Variants in CSMD2 observed in about 807,000 individuals in gnomAD.
The protein encoded by CSMD2 is CUB and sushi domain-containing protein 2.
CSMD2 carries 130 observed loss-of-function variants against 398.5 expected under a neutral mutation model. That is an observed-to-expected ratio of 0.33 (90% CI 0.28 to 0.38). CSMD2 has a LOEUF of 0.38. CSMD2 is among the 10% of genes least tolerant of loss of function. The pLI is 1.00. For missense variants in CSMD2, 3,829 were observed against 4,764.9 expected (o/e 0.80, Z 5.78); for synonymous variants, 1,828 against 1,908.5 (o/e 0.96, Z 1.10).
At chr1:33,581,529 C>CAAAAAAAAAAAA (rs59068586) in intron 47 of CSMD2, among the ~76,000 whole-genome samples, 54 of 36,882 alleles carry the variant, frequency 1.5e-3, no homozygotes, top group African/African-American at 3.0e-3. Context: ...GACTCAGTCT[C>CAAAAAAAAAAAA]AAAAAAAAAA....
chr1:33,781,851 G>A (rs1400497504), intron 12 of CSMD2, among the ~76,000 whole-genome samples: 1 of 152,056 alleles, frequency 6.6e-6, no homozygotes, highest in Admixed American at 6.5e-5. Context: ...AGGGAGACTG[G>A]CTCAGAGTGC....
intron 1 of CSMD2, among the ~76,000 whole-genome samples, chr1:34,106,646 T>G (rs1490782168): frequency 6.6e-6 from 1 of 152,126 alleles, no homozygotes; most frequent in East Asian, 1.9e-4. Context: ...GCCTGGGATT[T>G]ATTGAAAAGA....
intron 3 of CSMD2, among the ~76,000 whole-genome samples, chr1:34,028,381 A>G (rs1400523089): frequency 2.0e-5 from 3 of 152,170 alleles, no homozygotes; most frequent in Non-Finnish European, 4.4e-5. Flanking sequence ...CATTATTCCC[A>G]CTTCAAAAAT....
At chr1:33,676,280 T>C (rs529127784) in intron 25 of CSMD2, among the ~76,000 whole-genome samples, 4 of 152,270 alleles carry the variant, frequency 2.6e-5, no homozygotes, top group Admixed American at 2.6e-4. Context: ...ACAAAATCAA[T>C]GTGCAAAAAT....
intron 1 of CSMD2, among the ~76,000 whole-genome samples, chr1:34,150,096 T>C (rs1557433065): frequency 6.7e-6 from 1 of 149,886 alleles, no homozygotes. Flanking sequence ...TTTTGTTTTT[T>C]TTTGAGACAG....
At chr1:33,711,936 G>C (rs1009316485) in intron 21 of CSMD2, among the ~76,000 whole-genome samples, 5 of 152,210 alleles carry the variant, frequency 3.3e-5, no homozygotes, top group Middle Eastern at 6.3e-3. Context: ...AGGAGGGATA[G>C]AGGGACGGGG....
intron 6 of CSMD2, among the ~76,000 whole-genome samples, chr1:33,827,100 T>C (rs4233218): frequency 0.79 from 119,566 of 152,174 alleles, 47,827 homozygotes; most frequent in East Asian, 0.94. Context: ...GATTCAAGTC[T>C]GAGATACCTT....
intron 5 of CSMD2, among the ~76,000 whole-genome samples, chr1:33,849,231 A>G (rs575929507): frequency 2.8e-4 from 43 of 152,288 alleles, no homozygotes; most frequent in Non-Finnish European, 5.4e-4. Flanking sequence ...TTTTCTTGGC[A>G]TCTATCAAAG....
chr1:33,946,792 T>G (rs967699354), intron 3 of CSMD2, among the ~76,000 whole-genome samples: 3 of 42,946 alleles, frequency 7.0e-5, no homozygotes, highest in African/African-American at 5.0e-4. Flanking sequence ...CCAGCTAACT[T>G]TTTTTTTTTT....
intron 56 of CSMD2, among the ~76,000 whole-genome samples, chr1:33,549,390 C>A (rs1428963538): frequency 6.6e-6 from 1 of 152,202 alleles, no homozygotes; most frequent in Non-Finnish European, 1.5e-5. Flanking sequence ...CCAGGCAGGT[C>A]CCCCTCAAAG....
intron 6 of CSMD2, among the ~76,000 whole-genome samples, chr1:33,830,677 T>C (rs573069449): frequency 5.1e-4 from 77 of 152,254 alleles, no homozygotes; most frequent in Admixed American, 1.6e-3. Flanking sequence ...CTTTGACGAA[T>C]TGAGAGAAGA....
chr1:33,978,280 G>A (rs1646041170), intron 3 of CSMD2, among the ~76,000 whole-genome samples: 1 of 152,156 alleles, frequency 6.6e-6, no homozygotes, highest in Non-Finnish European at 1.5e-5. Context: ...TCTTTGAGAA[G>A]CAGCTGGGTG....
At chr1:33,597,577 T>C (rs1236529631) in intron 44 of CSMD2, among the ~76,000 whole-genome samples, 1 of 152,186 alleles carries the variant, frequency 6.6e-6, no homozygotes, top group Non-Finnish European at 1.5e-5. Context: ...ACCAGACTGG[T>C]AGAAATGTAA....
intron 2 of CSMD2, among the ~76,000 whole-genome samples, chr1:34,080,338 CT>C (rs1488118729): frequency 1.3e-5 from 2 of 151,762 alleles, no homozygotes; most frequent in Non-Finnish European, 2.9e-5. Context: ...AATATATTGC[CT>C]ATCCGCAAAT....
At chr1:34,000,409 A>C (rs1646864044) in intron 3 of CSMD2, among the ~76,000 whole-genome samples, 1 of 152,150 alleles carries the variant, frequency 6.6e-6, no homozygotes, top group Non-Finnish European at 1.5e-5. Flanking sequence ...CAAATGAGAC[A>C]TCCATCCCCA....
intron 2 of CSMD2, among the ~76,000 whole-genome samples, chr1:34,048,600 G>A (rs1652816204): frequency 6.6e-6 from 1 of 152,168 alleles, no homozygotes; most frequent in Admixed American, 6.5e-5. Context: ...CCTGCAAGAG[G>A]ATGGAGAAGA....
chr1:33,526,356 T>C (rs1280950126), intron 65 of CSMD2, among the ~76,000 whole-genome samples: 1 of 152,206 alleles, frequency 6.6e-6, no homozygotes, highest in Non-Finnish European at 1.5e-5. Context: ...AGTTGTCTGA[T>C]CATGTGCAAA....
chr1:33,849,360 C>T (rs1638532565), intron 5 of CSMD2, among the ~76,000 whole-genome samples: 1 of 152,148 alleles, frequency 6.6e-6, no homozygotes, highest in African/African-American at 2.4e-5. Flanking sequence ...ACATGGATGA[C>T]TCTTAAAAGC....
chr1:33,829,444 G>C (rs1284290072), intron 6 of CSMD2, among the ~76,000 whole-genome samples: 2 of 152,170 alleles, frequency 1.3e-5, no homozygotes, highest in Non-Finnish European at 2.9e-5. Flanking sequence ...ACAACGTGCA[G>C]TTTTGTTACA....
Sources: gnomAD v4.1 joint callset for allele counts (sites outside exome capture counted in the v4.1 genomes callset) on GRCh38, gnomAD v4.1.1 for gene constraint, MANE v1.5 for transcripts, NCBI Gene and HGNC (gene_info 2026-07-23, HGNC 2026-07-21) for gene names.